The following FLNB variants were observed in gnomAD, a reference collection of about 807,000 sequenced individuals.
FLNB encodes the protein filamin B.
A neutral mutation model predicts 250.6 loss-of-function variants in FLNB; 111 were observed. That is an observed-to-expected ratio of 0.44 (90% CI 0.38 to 0.52). FLNB has a LOEUF of 0.52. Among genes scored for constraint, FLNB ranks in the 20% least tolerant of loss-of-function variants. FLNB has a pLI of 0.00. For synonymous variants in FLNB, 1,302 were observed against 1,372.1 expected (o/e 0.95, Z 1.13); for missense variants, 2,869 against 3,447.8 (o/e 0.83, Z 4.20).
chr3:58,159,514 C>A, intron 41 of FLNB, 40 bp from the exon 42 acceptor site: 2 of 1,612,230 alleles, frequency 1.2e-6, no homozygotes, highest in African/African-American at 1.3e-5. Flanking sequence ...TGAGCAGGAA[C>A]GCCGAGGGCC....
At chr3:58,092,309 A>G (rs1433649338) in intron 4 of FLNB, among the ~76,000 whole-genome samples, 1 of 152,148 alleles carries the variant, frequency 6.6e-6, no homozygotes, top group African/African-American at 2.4e-5. Flanking sequence ...TGGGAATGTA[A>G]AATGGTGTAG....
chr3:58,018,962 CAA>C (rs34503609), intron 1 of FLNB, among the ~76,000 whole-genome samples: 66 of 71,400 alleles, frequency 9.2e-4, no homozygotes, highest in African/African-American at 2.8e-3. Context: ...CACATCTCTA[CAA>C]AAAAAAAAAA....
At chr3:58,067,886 T>TA (rs1303349172) in intron 1 of FLNB, among the ~76,000 whole-genome samples, 2 of 152,206 alleles carry the variant, frequency 1.3e-5, no homozygotes, top group African/African-American at 4.8e-5. Flanking sequence ...GAGGTTTTCT[T>TA]AAAAACAATA....
chr3:58,100,690 C>A lies in FLNB; in HGVS notation c.1346-1513C>A, dbSNP rs902839772. On this transcript the variant is annotated intron_variant, in intron 8 of 45. Coordinates refer to ENST00000295956, the MANE Select transcript of FLNB (RefSeq NM_001457.4). Reference sequence around the variant, plus strand: ...TTGGCTCACTGCAGCTTCTGCTTCCCTGGTTCAAGTGATTCTTGCCTCAGC... The same window carrying A: ...TTGGCTCACTGCAGCTTCTGCTTCCATGGTTCAAGTGATTCTTGCCTCAGC... 3.3e-5 allele frequency among the ~76,000 whole-genome samples: 5 copies of A among 150,622 alleles called. No homozygotes were observed. The Admixed American group carries it at 3.3e-4, about 10-fold the overall frequency.
chr3:58,134,574 G>A, intron 26 of FLNB, 42 bp from the exon 27 acceptor site: 1 of 1,612,256 alleles, frequency 6.2e-7, no homozygotes, highest in Non-Finnish European at 8.5e-7. Context: ...GGGTTGACAT[G>A]TATCTTTATT....
rs768338487 is a variant in FLNB, at chr3:58,123,181, G to A, written c.3215G>A (p.Gly1072Asp). Residue 1072 changes from glycine to aspartate, a missense_variant, in exon 21 of 46, where the codon GGT becomes GAT. Coordinates refer to ENST00000295956, the MANE Select transcript of FLNB (RefSeq NM_001457.4). ...GATACCAAAGGAGCTGGTACTGGAG[G>A]TCTGGGCTTAACGGTGGAAGGTCCG... ...TIDTKGAGTG[G>D]LGLTVEGPCE... is the part of the protein sequence containing the mutation. 3 of 1,614,054 alleles carry A rather than the reference G, an allele frequency of 1.9e-6. No homozygotes were observed. The highest frequency in any genetic ancestry group is 2.5e-6 in the Non-Finnish European group (3 of 1,179,916).
chr3:58,162,677 G>A (rs2097363724), intron 42 of FLNB: 1 of 189,516 alleles, frequency 5.3e-6, no homozygotes, highest in African/African-American at 2.4e-5. Context: ...GGTGAACAAA[G>A]TAAAGAGTAG....
chr3:58,130,721 TCCCACAA>T lies in FLNB; in HGVS notation c.4223-17_4223-11del. 1 of 1,608,612 alleles carries T rather than the reference TCCCACAA, an allele frequency of 6.2e-7. No homozygotes were observed. Reference sequence around the variant, plus strand: ...TCCAATTCCCAGCTTGTGCTCAGAATCCCACAACCTCTCTTCCAGGCAGCCCCTTCAG... The same window carrying T: ...TCCAATTCCCAGCTTGTGCTCAGAATCCTCTCTTCCAGGCAGCCCCTTCAG... On this transcript the variant is annotated splice_polypyrimidine_tract_variant and intron_variant, in intron 24 of 45. Transcript: ENST00000295956.
In FLNB at chr3:58,071,087, C is replaced by G. The variant is rs548872752; in HGVS notation, c.293-5959C>G. Among the ~76,000 whole-genome samples the G allele has an allele frequency of 5.3e-5, 8 of 151,340 alleles. No homozygotes were observed. The East Asian group carries it at 1.6e-3, about 30-fold the overall frequency. Reference sequence around the variant, plus strand: ...TCAGCCTCTCAAGTACTAGTTGGTACTAATGGGCATGCACCACTACACCTG... The same window carrying G: ...TCAGCCTCTCAAGTACTAGTTGGTAGTAATGGGCATGCACCACTACACCTG... On this transcript the variant is annotated intron_variant, in intron 1 of 45. Coordinates refer to ENST00000295956, the MANE Select transcript of FLNB (RefSeq NM_001457.4).
intron 24 of FLNB, among the ~76,000 whole-genome samples, chr3:58,129,667 T>C (rs963060244): frequency 3.9e-5 from 6 of 152,220 alleles, no homozygotes; most frequent in African/African-American, 1.4e-4. Flanking sequence ...CTTGGCTGTC[T>C]ACCATCTCTA....
chr3:58,062,608 A>G lies in FLNB; in HGVS notation c.293-14438A>G, dbSNP rs182497030. Among the ~76,000 whole-genome samples, 580 of 152,312 alleles carry G rather than the reference A, an allele frequency of 3.8e-3. 7 individuals carry two copies. Among genetic ancestry groups the G allele is most frequent in the Admixed American group, 5.8e-3 (88 of 15,300 alleles). ...TTAATTTTCTATCAGCAGTGGCCCCAGCCTGGCCCCTGCAGACTGCCCCGG... is the reference window on the plus strand; with the variant it reads ...TTAATTTTCTATCAGCAGTGGCCCCGGCCTGGCCCCTGCAGACTGCCCCGG... On this transcript the variant is annotated intron_variant, in intron 1 of 45. Transcript: ENST00000295956.
intron 1 of FLNB, among the ~76,000 whole-genome samples, chr3:58,054,453 AT>A (rs2097167273): frequency 6.6e-6 from 1 of 152,148 alleles, no homozygotes; most frequent in Non-Finnish European, 1.5e-5. Flanking sequence ...AGACTGGGTA[AT>A]TTATAAAGGA....
In FLNB at chr3:58,142,456, A is replaced by G. The variant is rs1015877729; in HGVS notation, c.5182-194A>G. On this transcript the variant is annotated intron_variant, in intron 30 of 45. Transcript: ENST00000295956. This position sits in a 1 kb window ranked among gnomAD's most constrained non-coding sequence, Gnocchi z 4.3. ...GAGTGATTGCTAACAGTTGGTCAGC[A>G]TGACCTCTCCAGTCCCTCAGGTTCT... Among the ~76,000 whole-genome samples, 3 of 152,198 alleles carry G rather than the reference A, an allele frequency of 2.0e-5. No homozygotes were observed. The highest frequency in any genetic ancestry group is 2.9e-5 in the Non-Finnish European group (2 of 68,034).
chr3:58,075,107 A>G (rs2097199851), intron 1 of FLNB, among the ~76,000 whole-genome samples: 1 of 152,096 alleles, frequency 6.6e-6, no homozygotes, highest in African/African-American at 2.4e-5. Context: ...GTGGCATGCC[A>G]TGCACCCCTT....
intron 3 of FLNB, among the ~76,000 whole-genome samples, chr3:58,080,736 C>T (rs1008975800): frequency 6.8e-6 from 1 of 146,830 alleles, no homozygotes; most frequent in African/African-American, 2.5e-5. Flanking sequence ...TCGTGATCCA[C>T]CCACCTCGGC....
chr3:58,063,975 T>C (rs995286679), intron 1 of FLNB, among the ~76,000 whole-genome samples: 3 of 152,146 alleles, frequency 2.0e-5, no homozygotes, highest in Admixed American at 6.5e-5. Context: ...GTTTTTTTTT[T>C]CTTCCTTTAA....
chr3:58,109,753 T>C (rs1311869786), intron 15 of FLNB, 54 bp downstream of exon 15: 1 of 1,612,604 alleles, frequency 6.2e-7, no homozygotes, highest in African/African-American at 1.3e-5. Flanking sequence ...GGAAGGCAGT[T>C]CTTTTCATAA....
chr3:58,023,816 T>C (rs1389297783), intron 1 of FLNB, among the ~76,000 whole-genome samples: 2 of 152,194 alleles, frequency 1.3e-5, no homozygotes, highest in African/African-American at 2.4e-5. Flanking sequence ...CTCTTAAAAG[T>C]TTTTAGGACC....
intron 4 of FLNB, among the ~76,000 whole-genome samples, chr3:58,089,126 C>G (rs1467344551): frequency 6.6e-6 from 1 of 151,726 alleles, no homozygotes. Context: ...AAAGAAATCA[C>G]TTGTCATACC....
Sources: allele counts gnomAD v4.1 joint callset (sites outside exome capture counted in the v4.1 genomes callset), GRCh38; gene constraint gnomAD v4.1.1; non-coding constraint Gnocchi (gnomAD v3.1); transcripts MANE v1.5; gene names NCBI Gene and HGNC (gene_info 2026-07-23, HGNC 2026-07-21).